The following ZNF76 variants were observed in gnomAD, a reference collection of about 807,000 sequenced individuals.
ZNF76 encodes the protein zinc finger protein 523.
Under a neutral mutation model 66.9 loss-of-function variants are expected in ZNF76, and 66 were observed. The ratio of observed to expected loss-of-function variants is 0.99; its 90% CI spans 0.81 to 1.21. ZNF76 has a LOEUF of 1.21. Ranked by LOEUF, ZNF76 falls within the 50% of genes most tolerant of loss-of-function variation. The pLI, the probability that ZNF76 is intolerant of heterozygous loss-of-function variation, is 0.00. For synonymous variants in ZNF76, 275 were observed against 296.1 expected (o/e 0.93, Z 0.73); for missense variants, 729 against 760.3 (o/e 0.96, Z 0.48).
Position 35,287,680 on chromosome 6 carries a change from A to C in ZNF76, c.267A>C (p.Gln89His). ...ACCCCAGCACCCTGGAAGCCGTCCA[A>C]CTGGAAGATGGCTCCACTGCCTACA... is the stretch of plus-strand genomic sequence containing the variant. ...GYDPSTLEAV[Q>H]LEDGSTAYIH... The change falls in exon 5 of 14, where the codon CAA becomes CAC. Residue 89 changes from glutamine (Q) to histidine (H), a missense_variant. Transcript: ENST00000373953. This position sits in a 1 kb window ranked among gnomAD's most constrained non-coding sequence, Gnocchi z 4.0. 2 of 1,614,046 alleles carry C rather than the reference A, an allele frequency of 1.2e-6. No individual in the cohort carries two copies. The highest frequency in any genetic ancestry group is 1.7e-6 in the Non-Finnish European group (2 of 1,179,910).
At chr6:35,266,836 C>T (rs1283966769) in intron 1 of ZNF76, among the ~76,000 whole-genome samples, 1 of 136,068 alleles carries the variant, frequency 7.3e-6, no homozygotes, top group Non-Finnish European at 1.5e-5. Flanking sequence ...GAGTCTCGCT[C>T]GTCACCCAGG....
intron 1 of ZNF76, among the ~76,000 whole-genome samples, chr6:35,263,197 A>G (rs1286384766): frequency 1.3e-5 from 2 of 152,140 alleles, no homozygotes; most frequent in Non-Finnish European, 2.9e-5. Context: ...ATGACTTCTG[A>G]TAATAGATCA....
At chr6:35,272,469 CTGTGTGTGTGTGTGTGTGTGTGTGTGTG>C (rs58456911) in intron 1 of ZNF76, among the ~76,000 whole-genome samples, 16 of 149,536 alleles carry the variant, frequency 1.1e-4, no homozygotes, top group South Asian at 4.2e-4. Context: ...GACCCTGTTT[CTGTGTGTGTGTGTGTGTGTGTGTGTGTG>C]TGTGTGTGTG....
At chr6:35,278,868 G>A (rs1156544928) in intron 1 of ZNF76, among the ~76,000 whole-genome samples, 1 of 152,232 alleles carries the variant, frequency 6.6e-6, no homozygotes, top group Non-Finnish European at 1.5e-5. Context: ...TGTGTGGAGA[G>A]CCCACAGTGT....
At position 35,293,935 on chromosome 6, in the gene ZNF76, T is replaced by G. The variant is rs1416983786; in HGVS notation, c.1494+20T>G. The G allele has an allele frequency of 6.2e-7, 1 of 1,611,242 alleles. No homozygotes were observed. Among genetic ancestry groups the G allele is most frequent in the African/African-American group, 1.3e-5 (1 of 74,854 alleles). ...CAGCCCGTATGACCAGGCGGTTTGC[T>G]TGGGGTTTCTTATTTTGTCATTCCT... On this transcript the variant is annotated intron_variant, in intron 12 of 13. Transcript: ENST00000373953.
chr6:35,262,515 C>T (rs2150333459), intron 1 of ZNF76, among the ~76,000 whole-genome samples: 1 of 152,310 alleles, frequency 6.6e-6, no homozygotes, highest in South Asian at 2.1e-4. Context: ...CATACAGTGT[C>T]TCCCACCTCA....
intron 1 of ZNF76, among the ~76,000 whole-genome samples, chr6:35,268,028 T>C (rs1437176135): frequency 2.0e-5 from 3 of 152,194 alleles, no homozygotes; most frequent in Non-Finnish European, 4.4e-5. Context: ...ACTTAGATAT[T>C]ACAATAAGCA....
chr6:35,291,690 G>T lies in ZNF76; in HGVS notation c.884G>T (p.Gly295Val). 1.2e-6 allele frequency: 2 copies of T among 1,612,888 alleles called. No homozygotes were observed. Among genetic ancestry groups the T allele is most frequent in the East Asian group, 4.5e-5 (2 of 44,884 alleles). ...TGCCCGGAGCCCCACTGTGGCCGCG[G>T]CTTCACCAGCGCCACCAACTATAAG... ...YTCPEPHCGRGFTSATNYKNH... is the reference protein window; with the variant it reads ...YTCPEPHCGRVFTSATNYKNH... The change falls in exon 9 of 14, where the codon GGC becomes GTC. Residue 295 changes from glycine to valine, a missense_variant. Transcript: ENST00000373953.
chr6:35,290,914 G>T, intron 7 of ZNF76, 198 bp downstream of exon 7: 1 of 622,156 alleles, frequency 1.6e-6, no homozygotes, highest in Non-Finnish European at 2.8e-6. Context: ...AGCAGAAGGA[G>T]CCTGGAGGGT....
Position 35,290,260 on chromosome 6 carries a change from C to G in ZNF76, c.433-6C>G, listed in dbSNP as rs1472878781. On this transcript the variant is annotated splice_polypyrimidine_tract_variant and splice_region_variant and intron_variant, in intron 5 of 13. Transcript: ENST00000373953. Reference sequence around the variant, plus strand: ...ACATATAGGGATCTCAAGACTTTTCCCCCAGGTTCTTCATGACAGCCAGAT... The same window carrying G: ...ACATATAGGGATCTCAAGACTTTTCGCCCAGGTTCTTCATGACAGCCAGAT... 1 of 1,613,956 alleles carries G rather than the reference C, an allele frequency of 6.2e-7. No homozygotes were observed. The highest frequency in any genetic ancestry group is 1.3e-5 in the African/African-American group (1 of 74,902).
Sources: allele counts gnomAD v4.1 joint callset (sites outside exome capture counted in the v4.1 genomes callset), GRCh38; gene constraint gnomAD v4.1.1; non-coding constraint Gnocchi (gnomAD v3.1); transcripts MANE v1.5; gene names NCBI Gene and HGNC (gene_info 2026-07-23, HGNC 2026-07-21).